The following PAH variants were observed in gnomAD, a reference collection of about 807,000 sequenced individuals.
The protein encoded by PAH is phenylalanine hydroxylase.
PAH carries 64 observed loss-of-function variants against 62.0 expected under a neutral mutation model. The ratio of observed to expected loss-of-function variants is 1.03; its 90% CI spans 0.84 to 1.27. PAH has a LOEUF of 1.27. Ranked by LOEUF, PAH falls within the 50% of genes most tolerant of loss-of-function variation. The pLI is 0.00. For synonymous variants in PAH, 195 were observed against 196.2 expected, an observed-to-expected ratio of 0.99 and a Z score of 0.05; for missense variants, 579 against 542.8, an observed-to-expected ratio of 1.07 and a Z score of -0.66.
At chr12:102,907,585 G>C (rs1878026108) in intron 2 of PAH, among the ~76,000 whole-genome samples, 1 of 151,922 alleles carries the variant, frequency 6.6e-6, no homozygotes, top group Non-Finnish European at 1.5e-5. Context: ...TCTTAACGTA[G>C]CATCTTTTTC....
chr12:102,870,491 T>C (rs572435243), intron 4 of PAH, among the ~76,000 whole-genome samples: 3 of 152,120 alleles, frequency 2.0e-5, no homozygotes, highest in Admixed American at 6.5e-5. Flanking sequence ...TCTGAGCACA[T>C]TGTAGTTGCT....
chr12:102,842,969 AG>A (rs199909343), intron 11 of PAH, among the ~76,000 whole-genome samples: 1,759 of 152,240 alleles, frequency 0.012, 14 homozygotes, highest in Middle Eastern at 0.02. Flanking sequence ...GCTTGGGTGC[AG>A]GAACTGTGCA....
intron 1 of PAH, among the ~76,000 whole-genome samples, chr12:102,927,791 C>G (rs190726632): frequency 6.6e-6 from 1 of 152,190 alleles, no homozygotes; most frequent in African/African-American, 2.4e-5. Context: ...CACCCCAACC[C>G]TATGCCAAAA....
Position 102,864,805 on chromosome 12 carries a change from C to CAAAA in PAH, c.509+1787_509+1790dup, listed in dbSNP as rs3062691. ...AGGCAAATTCGCAAAATAGAATCTG[C>CAAAA]AAAAAAAAAAAAACAAGGATGAACT... On this transcript the variant is annotated intron_variant, in intron 5 of 12. Coordinates refer to ENST00000553106, the MANE Select transcript of PAH (RefSeq NM_000277.3). Among the ~76,000 whole-genome samples, 610 of 131,794 alleles carry CAAAA rather than the reference C, an allele frequency of 4.6e-3. 4 individuals are homozygous for CAAAA. Among genetic ancestry groups the CAAAA allele is most frequent in the Admixed American group, 6.6e-3 (88 of 13,338 alleles). 86.5% of individuals were successfully genotyped at this position (131,794 alleles called of 152,430 possible).
chr12:102,884,744 C>G (rs1209097461), intron 3 of PAH, among the ~76,000 whole-genome samples: 1 of 152,204 alleles, frequency 6.6e-6, no homozygotes, highest in Non-Finnish European at 1.5e-5. Context: ...GCTTATGTCT[C>G]TAACCTCTGC....
Position 102,956,582 on chromosome 12 carries a change from A to G in PAH, c.-96+1613T>C, listed in dbSNP as rs199508768. On this transcript the variant is annotated intron_variant, in intron 1 of 4. Coordinates refer to the PAH transcript ENST00000551337. Reference sequence around the variant, plus strand: ...GTGCCCGCGGCGGCGCCGAAGAACCAGGAATCCCCACCAGTGCCCTAAGCG... The same window carrying G: ...GTGCCCGCGGCGGCGCCGAAGAACCGGGAATCCCCACCAGTGCCCTAAGCG... Among the ~76,000 whole-genome samples, 115 of 152,202 alleles carry G rather than the reference A, an allele frequency of 7.6e-4. 1 individual carries two copies. The East Asian group carries it at 0.017, about 22-fold the overall frequency.
upstream of PAH, among the ~76,000 whole-genome samples, chr12:102,951,134 T>C (rs1879744867): frequency 6.6e-6 from 1 of 152,196 alleles, no homozygotes; most frequent in Non-Finnish European, 1.5e-5. Context: ...AGCCCTTATC[T>C]GGCTCATTAG....
chr12:102,885,237 T>C (rs1289725582), intron 3 of PAH, among the ~76,000 whole-genome samples: 1 of 152,202 alleles, frequency 6.6e-6, no homozygotes, highest in Admixed American at 6.5e-5. Flanking sequence ...CTAAGTTCTC[T>C]TCACATACCC....
intron 2 of PAH, among the ~76,000 whole-genome samples, chr12:102,900,488 T>TG (rs1178797201): frequency 8.6e-5 from 13 of 151,130 alleles, no homozygotes; most frequent in Non-Finnish European, 1.8e-4. Context: ...GGCTGACAAA[T>TG]GGGGGGTGGG....
At chr12:102,851,892 G>A in intron 7 of PAH, 136 bp from the exon 8 acceptor site, 2 of 698,646 alleles carry the variant, frequency 2.9e-6, no homozygotes, top group Non-Finnish European at 5.1e-6. Flanking sequence ...CCAGGAATAA[G>A]TGATATGCAG....
At chr12:102,868,562 C>T (rs1004898753) in intron 4 of PAH, among the ~76,000 whole-genome samples, 5 of 151,652 alleles carry the variant, frequency 3.3e-5, no homozygotes, top group Admixed American at 2.0e-4. Context: ...GGTTTTTAAT[C>T]GTTAATTACA....
At chr12:102,956,016 T>A (rs1006548091) in intron 1 of PAH, among the ~76,000 whole-genome samples, 2 of 152,156 alleles carry the variant, frequency 1.3e-5, no homozygotes, top group South Asian at 2.1e-4. Context: ...CCATCATCAC[T>A]ATTGTTCCAG....
intron 3 of PAH, among the ~76,000 whole-genome samples, chr12:102,882,921 A>G (rs1876882355): frequency 6.6e-6 from 1 of 151,986 alleles, no homozygotes; most frequent in Non-Finnish European, 1.5e-5. Context: ...TGTTTTATCA[A>G]TGTTAACCAT....
chr12:102,915,134 T>A (rs927508799), intron 1 of PAH: 2 of 152,220 alleles, frequency 1.3e-5, no homozygotes, highest in African/African-American at 4.8e-5. Context: ...ATTAGAGTAT[T>A]CACCAAATTT....
chr12:102,887,763 T>G (rs886702882), intron 3 of PAH, among the ~76,000 whole-genome samples: 1 of 152,084 alleles, frequency 6.6e-6, no homozygotes, highest in Non-Finnish European at 1.5e-5. Flanking sequence ...TGGAAGGGTG[T>G]CAGATGGAAT....
At chr12:102,945,647 G>A (rs546072979) in intron 1 of PAH, among the ~76,000 whole-genome samples, 6 of 152,090 alleles carry the variant, frequency 3.9e-5, no homozygotes, top group South Asian at 2.1e-4. Flanking sequence ...GGGGCTCTTC[G>A]GGCAGCTTGT....
intron 1 of PAH, among the ~76,000 whole-genome samples, chr12:102,948,309 A>T (rs1290831148): frequency 6.6e-6 from 1 of 152,188 alleles, no homozygotes; most frequent in East Asian, 1.9e-4. Context: ...AGAAGTGAGG[A>T]TGAGGAAGAA....
intron 4 of PAH, among the ~76,000 whole-genome samples, chr12:102,869,548 G>A (rs921621910): frequency 9.2e-5 from 14 of 152,208 alleles, no homozygotes; most frequent in African/African-American, 3.4e-4. Context: ...TTTTAGTGAA[G>A]TAGCAGGAGA....
chr12:102,903,583 CAGG>C (rs1464733643), intron 2 of PAH, among the ~76,000 whole-genome samples: 2 of 152,060 alleles, frequency 1.3e-5, no homozygotes, highest in Non-Finnish European at 2.9e-5. Flanking sequence ...ATCCCCTAGG[CAGG>C]AGTAGGGCAC....
Sources: gnomAD v4.1 joint callset for allele counts (sites outside exome capture counted in the v4.1 genomes callset) on GRCh38, gnomAD v4.1.1 for gene constraint, MANE v1.5 for transcripts, NCBI Gene and HGNC (gene_info 2026-07-23, HGNC 2026-07-21) for gene names.